AOPEP: variants seen among roughly 807,000 people sequenced by gnomAD.
The protein encoded by AOPEP is aminopeptidase O (putative).
AOPEP carries 77 observed loss-of-function variants against 98.1 expected under a neutral mutation model. The ratio of observed to expected loss-of-function variants is 0.78; its 90% CI spans 0.65 to 0.95. AOPEP has a LOEUF of 0.95. Ranked by LOEUF, AOPEP falls within the 40% of genes least tolerant of loss-of-function variation. The probability of loss-of-function intolerance (pLI) is 0.00; values close to 1 mark genes in which losing one functional copy is unlikely to be tolerated. For missense variants in AOPEP, 1,024 were observed against 1,024.7 expected (o/e 1.00, Z 0.01); for synonymous variants, 346 against 365.3 (o/e 0.95, Z 0.60).
intron 13 of AOPEP, among the ~76,000 whole-genome samples, chr9:95,047,274 G>A (rs2065936240): frequency 6.6e-6 from 1 of 152,120 alleles, no homozygotes; most frequent in Admixed American, 6.5e-5. Flanking sequence ...TTATAGTGGT[G>A]GGGTTTTAAT....
At chr9:94,971,505 C>T (rs1482284165) in intron 10 of AOPEP, among the ~76,000 whole-genome samples, 1 of 152,156 alleles carries the variant, frequency 6.6e-6, no homozygotes, top group Non-Finnish European at 1.5e-5. Flanking sequence ...TTATCTAGGT[C>T]TCCAAAGGCC....
At chr9:94,943,919 C>CAAAAAAAAAAAAA (rs775807087) in intron 7 of AOPEP, among the ~76,000 whole-genome samples, 1 of 17,416 alleles carries the variant, frequency 5.7e-5, no homozygotes, top group African/African-American at 9.6e-5. Context: ...GACTCCATCT[C>CAAAAAAAAAAAAA]AAAAAAAAAA....
At chr9:95,108,064 T>C in the AOPEP span, among the ~76,000 whole-genome samples, 1 of 152,234 alleles carries the variant, frequency 6.6e-6, no homozygotes, top group Non-Finnish European at 1.5e-5. Context: ...ACAGCTATGT[T>C]CCATCACTTC....
At chr9:94,993,670 C>G (rs879914171) in intron 11 of AOPEP, among the ~76,000 whole-genome samples, 8 of 152,152 alleles carry the variant, frequency 5.3e-5, no homozygotes, top group Admixed American at 4.6e-4. Flanking sequence ...GAGTTTCAAA[C>G]CGCACTGAGA....
intron 11 of AOPEP, among the ~76,000 whole-genome samples, chr9:94,994,416 A>G (rs993150020): frequency 3.9e-5 from 6 of 152,178 alleles, no homozygotes; most frequent in Admixed American, 1.3e-4. Flanking sequence ...AGAAAAGGCT[A>G]TATACTAAGT....
chr9:94,743,305 C>T (rs10821390), intron 1 of AOPEP, among the ~76,000 whole-genome samples: 58,782 of 151,712 alleles, frequency 0.39, 12,056 homozygotes, highest in East Asian at 0.51. Context: ...CAGGAATCAT[C>T]GGAGGTGGTG....
intron 11 of AOPEP, among the ~76,000 whole-genome samples, chr9:94,985,398 G>T (rs926373015): frequency 6.6e-6 from 1 of 152,228 alleles, no homozygotes; most frequent in African/African-American, 2.4e-5. Context: ...TACTTGATAA[G>T]ACAGTATGCA....
chr9:94,802,174 G>C (rs146789153), intron 5 of AOPEP, among the ~76,000 whole-genome samples: 83 of 152,134 alleles, frequency 5.5e-4, no homozygotes, highest in Admixed American at 1.2e-3. Context: ...CTTAATGGAG[G>C]GGGGGGCTTC....
At chr9:95,034,902 A>G (rs2064650288) in intron 13 of AOPEP, among the ~76,000 whole-genome samples, 1 of 152,118 alleles carries the variant, frequency 6.6e-6, no homozygotes, top group Admixed American at 6.5e-5. Flanking sequence ...TGAACTTGGG[A>G]GAGAAGTGGG....
chr9:94,843,252 C>T (rs1013301708), intron 5 of AOPEP, among the ~76,000 whole-genome samples: 2 of 152,150 alleles, frequency 1.3e-5, no homozygotes, highest in African/African-American at 4.8e-5. Flanking sequence ...TACCTAGCCT[C>T]CCCTTCCTGT....
At chr9:95,016,689 T>C (rs1029938986) in intron 13 of AOPEP, among the ~76,000 whole-genome samples, 2 of 151,514 alleles carry the variant, frequency 1.3e-5, no homozygotes, top group African/African-American at 4.8e-5. Flanking sequence ...TATGGCTCAC[T>C]GTAAGCTCAA....
intron 5 of AOPEP, among the ~76,000 whole-genome samples, chr9:94,877,148 A>G (rs564673316): frequency 5.3e-5 from 8 of 152,264 alleles, no homozygotes; most frequent in African/African-American, 1.9e-4. Context: ...AGGGGAAGCT[A>G]TTTGAATGGC....
intron 6 of AOPEP, among the ~76,000 whole-genome samples, chr9:94,927,229 G>A (rs1484476222): frequency 2.0e-5 from 3 of 152,204 alleles, no homozygotes; most frequent in Non-Finnish European, 2.9e-5. Flanking sequence ...CAGCCCTGTA[G>A]GATTAGGGCC....
chr9:94,738,662 TC>T (rs1306521190), intron 1 of AOPEP, among the ~76,000 whole-genome samples: 1 of 152,092 alleles, frequency 6.6e-6, no homozygotes, highest in Non-Finnish European at 1.5e-5. Context: ...CAAGTTCCGC[TC>T]CCCGGGTTCA....
chr9:94,747,508 T>C (rs887433295), intron 1 of AOPEP, among the ~76,000 whole-genome samples: 1 of 152,186 alleles, frequency 6.6e-6, no homozygotes, highest in East Asian at 1.9e-4. Flanking sequence ...TAACACTATA[T>C]TTTTACTTCG....
intron 13 of AOPEP, among the ~76,000 whole-genome samples, chr9:95,012,446 T>G (rs1435139555): frequency 6.6e-6 from 1 of 152,210 alleles, no homozygotes; most frequent in African/African-American, 2.4e-5. Context: ...AAAAATTTCG[T>G]GGCTTTTTAG....
intron 5 of AOPEP, among the ~76,000 whole-genome samples, chr9:94,875,347 G>GAAAAAAAAAAAAAAAAAAAAAAAAACAA (rs71366265): frequency 1.4e-5 from 1 of 71,526 alleles, no homozygotes; most frequent in Non-Finnish European, 2.6e-5. Context: ...AATTGAGCAA[G>GAAAAAAAAAAAAAAAAAAAAAAAAACAA]AAAAAAAAAA....
At position 94,730,297 on chromosome 9, in the gene AOPEP, A is replaced by T. The variant is rs1830226197; in HGVS notation, c.-136+3546A>T. ...AGACTCCATCTCAAAAAAAAAAAAA[A>T]AAAAAGTCAAGAATGGACCATTGGT... On this transcript the variant is annotated intron_variant, in intron 1 of 16. Coordinates refer to ENST00000375315, the MANE Select transcript of AOPEP (RefSeq NM_001193329.3). 2.0e-5 allele frequency among the ~76,000 whole-genome samples: 3 copies of T among 151,986 alleles called. 1 individual carries two copies. The highest frequency in any genetic ancestry group is 2.0e-4 in the Admixed American group (3 of 15,262).
At chr9:94,928,664 T>C in intron 7 of AOPEP, 133 bp downstream of exon 7, 1 of 632,204 alleles carries the variant, frequency 1.6e-6, no homozygotes. Context: ...GTCCCCCAGA[T>C]GTGATGGTTA....
Sources: gnomAD v4.1 joint callset for allele counts (sites outside exome capture counted in the v4.1 genomes callset) on GRCh38, gnomAD v4.1.1 for gene constraint, MANE v1.5 for transcripts, NCBI Gene and HGNC (gene_info 2026-07-23, HGNC 2026-07-21) for gene names.